DNAJC7: variants seen among roughly 807,000 people sequenced by gnomAD.
DNAJC7 encodes the protein dnaJ homolog subfamily C member 7.
Under a neutral mutation model 67.4 loss-of-function variants are expected in DNAJC7, and 18 were observed. That is an observed-to-expected ratio of 0.27 (90% CI 0.18 to 0.40). DNAJC7 has a LOEUF of 0.40. DNAJC7 is among the 10% of genes least tolerant of loss of function. The pLI, the probability that DNAJC7 is intolerant of heterozygous loss-of-function variation, is 1.00. For synonymous variants in DNAJC7, 220 were observed against 207.8 expected, an observed-to-expected ratio of 1.06 and a Z score of -0.50; for missense variants, 419 against 613.8, an observed-to-expected ratio of 0.68 and a Z score of 3.35.
At position 41,996,385 on chromosome 17, in the gene DNAJC7, T is replaced by A. The variant is rs1555648641; in HGVS notation, c.331A>T (p.Asn111Tyr). The change falls in exon 4 of 14, where the codon AAT becomes TAT. Residue 111 changes from asparagine to tyrosine, a missense_variant. By Grantham distance (143) the Asn-to-Tyr change is moderately radical (BLOSUM62 -2). Transcript: ENST00000457167. ...AAGCTGCGACATGCTGCCATGGCAT[T>A]CCCCAGAGAGAGGTGGCACTTGCCC... ...REGKCHLSLG[N>Y]AMAACRSFQR... 6.2e-7 allele frequency: 1 copy of A among 1,613,988 alleles called. No homozygotes were observed. The highest frequency in any genetic ancestry group is 1.1e-5 in the South Asian group (1 of 91,070).
At chr17:42,003,045 G>GC (rs1214799431) in intron 1 of DNAJC7, among the ~76,000 whole-genome samples, 3 of 152,262 alleles carry the variant, frequency 2.0e-5, no homozygotes, top group African/African-American at 7.2e-5. Flanking sequence ...AGCAAACAAA[G>GC]CAAGTAATGT....
At position 41,990,275 on chromosome 17, in the gene DNAJC7, C is replaced by A; in HGVS notation, c.588G>T (p.Gln196His). The A allele has an allele frequency of 6.2e-7, 1 of 1,609,102 alleles. No homozygotes were observed. Among genetic ancestry groups the A allele is most frequent in the Admixed American group, 1.7e-5 (1 of 59,398 alleles). Residue 196 changes from glutamine to histidine, a missense_variant, in exon 6 of 14, where the codon CAG becomes CAT. By Grantham distance (24) the Gln-to-His change is conservative. Coordinates refer to ENST00000457167, the MANE Select transcript of DNAJC7 (RefSeq NM_003315.4). ...LAMLGRYPEA[Q>H]SVASDILRMD... ...GCCTGACTGCATACCTAGCCACAGA[C>A]TGTGCTTCTGGATAACGACCCAGCA... is the stretch of plus-strand genomic sequence containing the variant.
rs1455611149 is a variant in DNAJC7 at position 41,994,057 on chromosome 17, G to A, written c.480+813C>T. On this transcript the variant is annotated intron_variant, in intron 5 of 13. Coordinates refer to ENST00000457167, the MANE Select transcript of DNAJC7 (RefSeq NM_003315.4). Reference sequence around the variant, plus strand: ...AAACTCTCTCTCAAAAAAAAAAAAGGCCTGGCGCGGTGGCTCACGCCTGTA... The same window carrying A: ...AAACTCTCTCTCAAAAAAAAAAAAGACCTGGCGCGGTGGCTCACGCCTGTA... Among the ~76,000 whole-genome samples, 4 of 142,630 alleles carry A rather than the reference G, an allele frequency of 2.8e-5. No individual in the cohort carries two copies. The South Asian group carries it at 8.9e-4, about 32-fold the overall frequency. 93.6% of individuals were successfully genotyped at this position (142,630 alleles called of 152,430 possible).
chr17:42,011,426 GT>G (rs2052113530), intron 1 of DNAJC7: 1 of 152,196 alleles, frequency 6.6e-6, no homozygotes, highest in South Asian at 2.1e-4. Context: ...TCTGGCACTA[GT>G]TAACATGTGG....
chr17:41,993,300 A>G (rs1305328850), intron 5 of DNAJC7, among the ~76,000 whole-genome samples: 2 of 152,070 alleles, frequency 1.3e-5, no homozygotes, highest in Non-Finnish European at 2.9e-5. Context: ...TCTACTAAAA[A>G]CACAAAAAAT....
At position 41,986,340 on chromosome 17, in the gene DNAJC7, TGAGCGACATAGCGAGACTCCATCCC is replaced by T. The variant is rs547579627; in HGVS notation, c.1010+1454_1010+1478del. Among the ~76,000 whole-genome samples the T allele has an allele frequency of 1.1e-3, 160 of 152,116 alleles. 1 individual carries two copies. Among genetic ancestry groups the T allele is most frequent in the South Asian group, 1.0e-2 (48 of 4,816 alleles). On this transcript the variant is annotated intron_variant, in intron 9 of 13. Coordinates refer to ENST00000457167, the MANE Select transcript of DNAJC7 (RefSeq NM_003315.4). ...AGTACGGTGCTACTGCACTCCAGCC[TGAGCGACATAGCGAGACTCCATCCC>T]GAGCGACATAGCGAGACTCCATCCC...
At chr17:41,984,150 A>T (rs1251773218) in intron 9 of DNAJC7, among the ~76,000 whole-genome samples, 1 of 152,222 alleles carries the variant, frequency 6.6e-6, no homozygotes, top group Non-Finnish European at 1.5e-5. Context: ...AAATCCCTCC[A>T]CTAAGACCAA....
At chr17:42,005,788 T>C (rs2051933344) in intron 1 of DNAJC7, among the ~76,000 whole-genome samples, 4 of 152,208 alleles carry the variant, frequency 2.6e-5, no homozygotes, top group African/African-American at 9.6e-5. Flanking sequence ...TCACCCAGGC[T>C]GGAGTGCAGT....
chr17:42,005,881 C>T (rs782200376), intron 1 of DNAJC7, among the ~76,000 whole-genome samples: 13 of 151,644 alleles, frequency 8.6e-5, no homozygotes, highest in Non-Finnish European at 1.6e-4. Flanking sequence ...GCTGGGATTA[C>T]AGGCACACGC....
intron 12 of DNAJC7, among the ~76,000 whole-genome samples, chr17:41,981,182 CTT>C (rs1367891040): frequency 6.6e-6 from 1 of 151,502 alleles, no homozygotes; most frequent in East Asian, 1.9e-4. Context: ...GCTAATTTTT[CTT>C]TTTTCTTTCT....
rs144357519 is a variant in DNAJC7, at chr17:41,990,668, C to CT, written c.481-287dup. Among the ~76,000 whole-genome samples, 549 of 142,106 alleles carry CT rather than the reference C, an allele frequency of 3.9e-3. 3 individuals carry two copies. Among genetic ancestry groups the CT allele is most frequent in the South Asian group, 0.019 (85 of 4,440 alleles). The allele number at this position is 142,106 out of a possible 152,430, so 93.2% of individuals were successfully genotyped here. ...TTTTATGAAATAGGCAATATTATCACTTTTTTTTTTTTTTTTGAGATGGAG... is the reference window on the plus strand; with the variant it reads ...TTTTATGAAATAGGCAATATTATCACTTTTTTTTTTTTTTTTTGAGATGGAG... On this transcript the variant is annotated intron_variant, in intron 5 of 13. Coordinates refer to ENST00000457167, the MANE Select transcript of DNAJC7 (RefSeq NM_003315.4).
chr17:41,982,944 A>G (rs1323339255), intron 10 of DNAJC7, among the ~76,000 whole-genome samples: 1 of 151,356 alleles, frequency 6.6e-6, no homozygotes, highest in African/African-American at 2.4e-5. Context: ...TGGGTGACAG[A>G]GCAGGACTCC....
In DNAJC7 at chr17:41,998,989, C is replaced by A. The variant is rs557153967; in HGVS notation, c.166+1493G>T. ...TCGCTTGAGCCCAGGAGTTTGAGAC[C>A]AGCCGGGGCAACATGGTAAGACCCT... is the stretch of plus-strand genomic sequence containing the variant. On this transcript the variant is annotated intron_variant, in intron 2 of 13. Transcript: ENST00000457167. Among the ~76,000 whole-genome samples, 4 of 151,802 alleles carry A rather than the reference C, an allele frequency of 2.6e-5. 1 individual carries two copies. The highest frequency in any genetic ancestry group is 2.6e-4 in the Admixed American group (4 of 15,238).
intron 1 of DNAJC7, among the ~76,000 whole-genome samples, chr17:42,005,531 T>C (rs1342698269): frequency 1.3e-5 from 2 of 152,238 alleles, no homozygotes; most frequent in African/African-American, 2.4e-5. Context: ...GTCATTAACA[T>C]GGCTGGGTTC....
At chr17:41,977,469 G>C in intron 12 of DNAJC7, 146 bp from the exon 13 acceptor site, 1 of 701,342 alleles carries the variant, frequency 1.4e-6, no homozygotes, top group Non-Finnish European at 2.4e-6. Context: ...CAGACTGCAA[G>C]TGAGCAAACC....
At chr17:41,989,698 C>T in intron 6 of DNAJC7, 141 bp from the exon 7 acceptor site, 4 of 1,041,240 alleles carry the variant, frequency 3.8e-6, no homozygotes, top group South Asian at 1.7e-5. Context: ...AAGAACTGTT[C>T]CCAAACTTTC....
intron 13 of DNAJC7, 63 bp downstream of exon 13, chr17:41,977,198 T>G: frequency 6.6e-7 from 1 of 1,514,214 alleles, no homozygotes; most frequent in Non-Finnish European, 9.0e-7. Flanking sequence ...AAGAGCTGCC[T>G]AAGAGGCAAT....
intron 1 of DNAJC7, among the ~76,000 whole-genome samples, chr17:42,003,749 A>G (rs2051870549): frequency 6.6e-6 from 1 of 152,126 alleles, no homozygotes; most frequent in Non-Finnish European, 1.5e-5. Context: ...CCAATTAAAA[A>G]AAAAAAGGAT....
intron 1 of DNAJC7, among the ~76,000 whole-genome samples, chr17:42,005,720 C>T (rs1165310216): frequency 9.2e-5 from 14 of 152,090 alleles, no homozygotes; most frequent in African/African-American, 3.1e-4. Flanking sequence ...ACAAAAAGCA[C>T]ACCGCACTGT....
Sources: gnomAD v4.1 joint callset for allele counts (sites outside exome capture counted in the v4.1 genomes callset) on GRCh38, gnomAD v4.1.1 for gene constraint, MANE v1.5 for transcripts, NCBI Gene and HGNC (gene_info 2026-07-23, HGNC 2026-07-21) for gene names.